Variants in PPHLN1 observed in about 807,000 individuals in gnomAD.
PPHLN1 encodes the protein periphilin-1.
PPHLN1 carries 29 observed loss-of-function variants against 51.3 expected under a neutral mutation model. That is an observed-to-expected ratio of 0.57 (90% CI 0.42 to 0.77). PPHLN1 has a LOEUF of 0.77. PPHLN1 is among the 30% of genes least tolerant of loss of function. PPHLN1 has a pLI of 0.00. For missense variants in PPHLN1, 436 were observed against 438.4 expected, an observed-to-expected ratio of 0.99 and a Z score of 0.05; for synonymous variants, 147 against 147.8, an observed-to-expected ratio of 0.99 and a Z score of 0.04.
rs1178772352 is a variant in PPHLN1 at position 42,348,547 on chromosome 12, C to T, written c.73-3338C>T. Reference sequence around the variant, plus strand: ...GTTTTACCAAATACATTTTACAATCCCCAGATAACTTTCTAATAACTGGGG... The same window carrying T: ...GTTTTACCAAATACATTTTACAATCTCCAGATAACTTTCTAATAACTGGGG... On this transcript the variant is annotated intron_variant, in intron 2 of 9. Transcript: ENST00000358314. 2.0e-5 allele frequency among the ~76,000 whole-genome samples: 3 copies of T among 151,906 alleles called. No individual in the cohort carries two copies. The East Asian group carries it at 5.8e-4, about 29-fold the overall frequency.
At chr12:42,411,441 A>G (rs2139516277) in intron 9 of PPHLN1, among the ~76,000 whole-genome samples, 1 of 152,154 alleles carries the variant, frequency 6.6e-6, no homozygotes, top group Non-Finnish European at 1.5e-5. Flanking sequence ...TCATTACAGC[A>G]GTCACTTCTG....
chr12:42,425,273 TA>T (rs2081354040), intron 9 of PPHLN1, among the ~76,000 whole-genome samples: 3 of 144,902 alleles, frequency 2.1e-5, no homozygotes, highest in African/African-American at 5.1e-5. Context: ...TTTGTATTTT[TA>T]GTAGAGACAG....
intron 4 of PPHLN1, chr12:42,361,481 T>G (rs2074679276): frequency 6.6e-6 from 1 of 152,186 alleles, no homozygotes; most frequent in Non-Finnish European, 1.5e-5. Context: ...ACCTCTTTAC[T>G]CCCTTAAAAC....
downstream of PPHLN1, chr12:42,446,654 T>A (rs1231780336): frequency 6.3e-7 from 1 of 1,593,286 alleles, no homozygotes; most frequent in Non-Finnish European, 8.6e-7. Flanking sequence ...TGCACACATC[T>A]GTACTCGTCA....
At chr12:42,409,030 T>C (rs1053274791) in intron 9 of PPHLN1, among the ~76,000 whole-genome samples, 2 of 152,092 alleles carry the variant, frequency 1.3e-5, no homozygotes, top group Non-Finnish European at 2.9e-5. Flanking sequence ...TTAACAACAA[T>C]AAGTAAAATA....
chr12:42,431,942 T>C (rs1164384712), intron 9 of PPHLN1: 2 of 1,510,502 alleles, frequency 1.3e-6, no homozygotes, highest in African/African-American at 1.4e-5. Context: ...TGACGATTAG[T>C]ACTGTGATGA....
intron 3 of PPHLN1, among the ~76,000 whole-genome samples, chr12:42,354,358 A>G (rs949680902): frequency 6.6e-6 from 1 of 152,146 alleles, no homozygotes; most frequent in African/African-American, 2.4e-5. Context: ...AACTGGGACT[A>G]TAGGTGCACG....
chr12:42,416,893 GAT>G (rs1190780448), intron 9 of PPHLN1, among the ~76,000 whole-genome samples: 11 of 152,190 alleles, frequency 7.2e-5, no homozygotes, highest in Admixed American at 5.9e-4. Context: ...CATTTTATGA[GAT>G]AGGTGGATCA....
Position 42,433,974 on chromosome 12 carries a change from T to C in PPHLN1, c.910-7341T>C, listed in dbSNP as rs542852075. ...TAAAAAAACATAACACCACCAAAAG[T>C]TCAGGGTTTGGAGAGCTTCTGGGTT... On this transcript the variant is annotated intron_variant, in intron 9 of 9. Coordinates refer to ENST00000358314, the MANE Select transcript of PPHLN1 (RefSeq NM_201439.2). Among the ~76,000 whole-genome samples, 249 of 152,134 alleles carry C rather than the reference T, an allele frequency of 1.6e-3. 1 individual carries two copies. The highest frequency in any genetic ancestry group is 2.9e-3 in the Non-Finnish European group (194 of 67,962).
intron 9 of PPHLN1, among the ~76,000 whole-genome samples, chr12:42,422,793 G>A (rs184569733): frequency 6.6e-6 from 1 of 152,178 alleles, no homozygotes; most frequent in Non-Finnish European, 1.5e-5. Context: ...ACTGAGTTGT[G>A]TTCCTTAATA....
At position 42,352,057 on chromosome 12, in the gene PPHLN1, A is replaced by G; in HGVS notation, c.237+8A>G. 2 of 1,453,592 alleles carry G rather than the reference A, an allele frequency of 1.4e-6. No homozygotes were observed. The highest frequency in any genetic ancestry group is 9.1e-7 in the Non-Finnish European group (1 of 1,103,080). The allele number at this position is 1,453,592 out of a possible 1,614,324, so 90.0% of individuals were successfully genotyped here. A position where few individuals can be genotyped will look rare whatever the true frequency, so the allele number is the denominator to read the frequency against. ...GGTCCACCTCACAGAGGAGTATGTAAATTTCCCCCATGTACTAATTGTTAT... is the reference window on the plus strand; with the variant it reads ...GGTCCACCTCACAGAGGAGTATGTAGATTTCCCCCATGTACTAATTGTTAT... On this transcript the variant is annotated splice_region_variant and intron_variant, in intron 3 of 9. Coordinates refer to ENST00000358314, the MANE Select transcript of PPHLN1 (RefSeq NM_201439.2).
chr12:42,356,841 C>T (rs2074095333), intron 4 of PPHLN1, among the ~76,000 whole-genome samples: 1 of 152,004 alleles, frequency 6.6e-6, no homozygotes, highest in South Asian at 2.1e-4. Context: ...GTAACAATGC[C>T]TACAGTAAAG....
At chr12:42,364,313 C>G (rs1592419595) in intron 4 of PPHLN1, among the ~76,000 whole-genome samples, 1 of 151,862 alleles carries the variant, frequency 6.6e-6, no homozygotes, top group Non-Finnish European at 1.5e-5. Flanking sequence ...AGAGTGTCAT[C>G]AAGTGGCCAA....
chr12:42,361,847 C>T (rs959763918), intron 4 of PPHLN1: 7 of 152,114 alleles, frequency 4.6e-5, no homozygotes, highest in East Asian at 1.9e-4. Context: ...CATTGGCCTA[C>T]GAATACCTCT....
chr12:42,358,781 T>A (rs1450599508), intron 4 of PPHLN1, among the ~76,000 whole-genome samples: 1 of 152,338 alleles, frequency 6.6e-6, no homozygotes, highest in Non-Finnish European at 1.5e-5. Context: ...TCACTCTGTT[T>A]ACAGTACAAA....
At chr12:42,426,228 A>ACACACACCC (rs371819974) in intron 9 of PPHLN1, among the ~76,000 whole-genome samples, 1 of 129,788 alleles carries the variant, frequency 7.7e-6, no homozygotes, top group African/African-American at 3.3e-5. Flanking sequence ...ACACACACAC[A>ACACACACCC]CCCTCATGCA....
In PPHLN1 at chr12:42,426,225, CA is replaced by C. The variant is rs1566010519; in HGVS notation, c.910-15089del. ...ACACACACACACACACACACACACA[CA>C]CACCCTCATGCATTGTCTCATGGCA... On this transcript the variant is annotated intron_variant, in intron 9 of 9. Transcript: ENST00000358314. Among the ~76,000 whole-genome samples the C allele has an allele frequency of 3.9e-3, 529 of 137,332 alleles. 5 individuals are homozygous for C. Among genetic ancestry groups the C allele is most frequent in the South Asian group, 8.7e-3 (38 of 4,356 alleles). The allele number at this position is 137,332 out of a possible 152,430, so 90.1% of individuals were successfully genotyped here.
At chr12:42,395,737 C>T (rs2078144910) in intron 8 of PPHLN1, among the ~76,000 whole-genome samples, 1 of 151,934 alleles carries the variant, frequency 6.6e-6, no homozygotes, top group South Asian at 2.1e-4. Context: ...CTAATTGTGG[C>T]AATATTTTAT....
intron 1 of PPHLN1, among the ~76,000 whole-genome samples, chr12:42,327,003 A>G (rs781083456): frequency 6.6e-6 from 1 of 152,166 alleles, no homozygotes; most frequent in Non-Finnish European, 1.5e-5. Context: ...CTGAATTTTG[A>G]GAGGCCTGAA....
Sources: gnomAD v4.1 joint callset for allele counts (sites outside exome capture counted in the v4.1 genomes callset) on GRCh38, gnomAD v4.1.1 for gene constraint, MANE v1.5 for transcripts, NCBI Gene and HGNC (gene_info 2026-07-23, HGNC 2026-07-21) for gene names.